Variants in DMKN observed in about 807,000 individuals in gnomAD.
DMKN encodes dermokine.
Under a neutral mutation model 67.6 loss-of-function variants are expected in DMKN, and 58 were observed. The observed-to-expected ratio is 0.86, with a 90% CI of 0.69 to 1.07. The LOEUF is 1.07. DMKN is among the 50% of genes least tolerant of loss of function. The probability of loss-of-function intolerance (pLI) is 0.00; values close to 1 mark genes in which losing one functional copy is unlikely to be tolerated. For synonymous variants in DMKN, 240 were observed against 232.3 expected (o/e 1.03, Z -0.30); for missense variants, 596 against 601.5 (o/e 0.99, Z 0.10).
At chr19:35,506,022 C>A (rs1199494533) in intron 7 of DMKN, 36 bp from the exon 8 acceptor site, 18 of 1,613,962 alleles carry the variant, frequency 1.1e-5, no homozygotes, top group Non-Finnish European at 1.5e-5. Flanking sequence ...GAGAGAAGAA[C>A]CCACTTTGTG....
In DMKN at chr19:35,501,800, C is replaced by A. The variant is rs762901752; in HGVS notation, c.1239+336G>T. On this transcript the variant is annotated intron_variant, in intron 11 of 15. Transcript: ENST00000339686. ...TTCCCCTCAATACGATCTCCCCGCA[C>A]CTGTGCACCCTGCGGTACCCACCCA... 8.4e-6 allele frequency: 13 copies of A among 1,552,542 alleles called. No individual in the cohort carries two copies. The South Asian group carries it at 1.3e-4, about 16-fold the overall frequency.
Position 35,511,530 on chromosome 19 carries a change from T to C in DMKN, c.799A>G (p.Ser267Gly), listed in dbSNP as rs749645932. The C allele has an allele frequency of 3.8e-6, 6 of 1,575,204 alleles. No homozygotes were observed. The highest frequency in any genetic ancestry group is 5.2e-6 in the Non-Finnish European group (6 of 1,163,166). The change falls in exon 5 of 16, where the codon AGC becomes GGC. Residue 267 changes from serine to glycine, a missense_variant. Coordinates refer to ENST00000339686, the MANE Select transcript of DMKN (RefSeq NM_033317.5). ...CCACTGCTGCTGCCACCACTGCTGC[T>C]GCCATTGTTGTTGTCACCATTGCTG... The part of the protein sequence containing the change: ...SGSNGDNNNG[S>G]SSGGSSSGSS...
At chr19:35,499,009 T>A in intron 13 of DMKN, 112 bp from the exon 14 acceptor site, 1 of 1,501,808 alleles carries the variant, frequency 6.7e-7, no homozygotes, top group South Asian at 1.2e-5. Context: ...ACCAGGGCTA[T>A]CACCAAGGTT....
intron 9 of DMKN, among the ~76,000 whole-genome samples, chr19:35,505,315 C>A (rs1225835784): frequency 6.6e-6 from 1 of 152,142 alleles, no homozygotes; most frequent in East Asian, 1.9e-4. Flanking sequence ...CTGAGGCTCT[C>A]GGCCAGTGCT....
At position 35,511,899 on chromosome 19, in the gene DMKN, A is replaced by G. The variant is rs574397552; in HGVS notation, c.685-86T>C. ...CATGGACACAGGCCAGGCCTCTCCC[A>G]TTCTTTGGGGCTTGGCTTCCTTTCT... On this transcript the variant is annotated intron_variant, in intron 3 of 15. Transcript: ENST00000339686. 608 of 1,421,354 alleles carry G rather than the reference A, an allele frequency of 4.3e-4. 1 individual carries two copies. In the African/African-American group the frequency reaches 6.0e-3, roughly 14 times the overall value. 88.0% of individuals were successfully genotyped at this position (1,421,354 alleles called of 1,614,324 possible). A position where few individuals can be genotyped will look rare whatever the true frequency, so the allele number is the denominator to read the frequency against.
chr19:35,509,488 A>G (rs535938989), intron 7 of DMKN: 1 of 157,332 alleles, frequency 6.4e-6, no homozygotes, highest in South Asian at 1.9e-4. Flanking sequence ...GCACTTTCAC[A>G]AGATCTCCGT....
intron 11 of DMKN, 21 bp from the exon 12 acceptor site, chr19:35,500,601 C>T: frequency 6.3e-7 from 1 of 1,599,578 alleles, no homozygotes; most frequent in Non-Finnish European, 8.6e-7. Context: ...GAAGGGGCCA[C>T]AGTTCGTGCC....
chr19:35,511,706 C>A, intron 4 of DMKN, 57 bp downstream of exon 4: 1 of 1,596,936 alleles, frequency 6.3e-7, no homozygotes, highest in Non-Finnish European at 8.6e-7. Context: ...CTAAGGGGAG[C>A]AGAACTTCTC....
chr19:35,507,823 A>C, intron 7 of DMKN: 1 of 438,414 alleles, frequency 2.3e-6, no homozygotes, highest in Non-Finnish European at 4.1e-6. Context: ...CTTTGCCAGC[A>C]AAGCATCCGA....
intron 13 of DMKN, 145 bp from the exon 14 acceptor site, chr19:35,499,042 C>T (rs140257981): frequency 3.4e-6 from 4 of 1,169,640 alleles, no homozygotes; most frequent in South Asian, 2.8e-5. Flanking sequence ...TGTGGACATT[C>T]AGGCTGTGGA....
intron 11 of DMKN, among the ~76,000 whole-genome samples, chr19:35,501,475 G>C (rs2068346119): frequency 6.6e-6 from 1 of 152,196 alleles, no homozygotes; most frequent in South Asian, 2.1e-4. Flanking sequence ...CACTTAGCTG[G>C]AGCGCCTCGA....
At position 35,513,365 on chromosome 19, in the gene DMKN, C is replaced by G; in HGVS notation, c.111G>C (p.Glu37Asp). The change falls in exon 1 of 16, where the codon GAG (glutamate) becomes GAC (aspartate). Residue 37 changes from glutamate (E) to aspartate (D), a missense_variant. Glu to Asp is a conservative substitution (Grantham distance 45, BLOSUM62 2). Transcript: ENST00000339686. ...GEESTGTNIG[E>D]ALGHGLGDAL... ...CGTCTCCCAGGCCATGTCCAAGGGC[C>G]TCCCCAATATTTGTCCCAGTGCTTT... The G allele has an allele frequency of 6.2e-7, 1 of 1,613,374 alleles. No homozygotes were observed. Among genetic ancestry groups the G allele is most frequent in the Non-Finnish European group, 8.5e-7 (1 of 1,180,050 alleles).
At chr19:35,500,240 G>T (rs915041457) in intron 12 of DMKN, 3 of 1,316,808 alleles carry the variant, frequency 2.3e-6, no homozygotes, top group East Asian at 2.5e-5. Context: ...CCAAATGGCC[G>T]CCGCCTCCTC....
intron 9 of DMKN, 118 bp from the exon 10 acceptor site, chr19:35,503,004 G>A (rs2068693231): frequency 8.3e-7 from 1 of 1,210,000 alleles, no homozygotes; most frequent in Non-Finnish European, 1.1e-6. Context: ...GGTTGGGGAT[G>A]GGAGGAGCTG....
rs77995042 is a variant in DMKN at position 35,508,296 on chromosome 19, C to T, written c.1038+1615G>A. On this transcript the variant is annotated intron_variant, in intron 7 of 15. Coordinates refer to ENST00000339686, the MANE Select transcript of DMKN (RefSeq NM_033317.5). ...CTGCTGAAGATCCTGAGGCCACCCC[C>T]GAAAATTAATGTATTGATTTAATAT... The T allele has an allele frequency of 0.053, 81,486 of 1,544,310 alleles. 2,418 individuals are homozygous for T. Among genetic ancestry groups the T allele is most frequent in the Middle Eastern group, 0.069 (413 of 5,974 alleles).
At chr19:35,510,553 G>A (rs1568630432) in intron 5 of DMKN, 2 of 1,529,382 alleles carry the variant, frequency 1.3e-6, no homozygotes, top group South Asian at 1.2e-5. Context: ...CCGCGATCCT[G>A]CCACCAGGGG....
At chr19:35,510,292 A>G (rs1159536184) in intron 5 of DMKN, 40 bp from the exon 6 acceptor site, 3 of 1,570,124 alleles carry the variant, frequency 1.9e-6, no homozygotes, top group Non-Finnish European at 8.6e-7. Flanking sequence ...GTCCTAAAGG[A>G]CCTAAAGGGG....
At chr19:35,500,254 C>G (rs1450481187) in intron 12 of DMKN, 40 of 1,389,608 alleles carry the variant, frequency 2.9e-5, no homozygotes, top group Non-Finnish European at 3.6e-5. Context: ...CCTCCTCCTC[C>G]TACTCCTCCT....
chr19:35,509,750 CG>C (rs2070356842), intron 7 of DMKN, 160 bp downstream of exon 7: 1 of 762,570 alleles, frequency 1.3e-6, no homozygotes, highest in African/African-American at 1.7e-5. Flanking sequence ...CTTTGGAAAT[CG>C]TTAGCATTTT....
Sources: allele counts gnomAD v4.1 joint callset (sites outside exome capture counted in the v4.1 genomes callset), GRCh38; gene constraint gnomAD v4.1.1; transcripts MANE v1.5; gene names NCBI Gene and HGNC (gene_info 2026-07-23, HGNC 2026-07-21).